Variants in TENM4 observed in about 807,000 individuals in gnomAD.
TENM4 encodes the protein teneurin transmembrane protein 4, also known as teneurin-4.
In TENM4, 82 loss-of-function variants were observed where a neutral mutation model predicts 243.3. The ratio of observed to expected loss-of-function variants is 0.34; its 90% CI spans 0.28 to 0.40. The LOEUF is 0.40. TENM4 is among the 10% of genes least tolerant of loss of function. The pLI is 1.00. For missense variants in TENM4, 3,138 were observed against 3,673.3 expected, an observed-to-expected ratio of 0.85 and a Z score of 3.77; for synonymous variants, 1,412 against 1,456.3, an observed-to-expected ratio of 0.97 and a Z score of 0.69.
chr11:79,022,857 C>T (rs1393846740), intron 6 of TENM4, among the ~76,000 whole-genome samples: 3 of 152,126 alleles, frequency 2.0e-5, no homozygotes, highest in Non-Finnish European at 2.9e-5. Flanking sequence ...ATTTTCTGAG[C>T]ACATAAATGT....
intron 1 of TENM4, among the ~76,000 whole-genome samples, chr11:79,393,996 G>A (rs1858289751): frequency 1.3e-5 from 2 of 152,142 alleles, no homozygotes; most frequent in African/African-American, 4.8e-5. Context: ...CCTTGGCAGG[G>A]GCCTCAGGCT....
Position 79,151,751 on chromosome 11 carries a change from C to G in TENM4, c.-162-2945G>C, listed in dbSNP as rs138478416. On this transcript the variant is annotated intron_variant, in intron 3 of 33. Transcript: ENST00000278550. Reference sequence around the variant, plus strand: ...GCACAGATGAACCTAGACACTCCCCCTACCCCTCACAATGTATCTCTCTGT... The same window carrying G: ...GCACAGATGAACCTAGACACTCCCCGTACCCCTCACAATGTATCTCTCTGT... 1.0e-3 allele frequency among the ~76,000 whole-genome samples: 153 copies of G among 152,250 alleles called. 1 individual carries two copies. Among genetic ancestry groups the G allele is most frequent in the African/African-American group, 3.6e-3 (148 of 41,544 alleles).
chr11:78,689,046 T>G (rs1858753791), intron 28 of TENM4, among the ~76,000 whole-genome samples: 1 of 152,258 alleles, frequency 6.6e-6, no homozygotes. Context: ...ACATTTTTCA[T>G]GTAATCCTCA....
chr11:79,260,467 G>C (rs1417695095), intron 2 of TENM4, among the ~76,000 whole-genome samples: 1 of 152,160 alleles, frequency 6.6e-6, no homozygotes, highest in African/African-American at 2.4e-5. Context: ...AAAAAATAGA[G>C]ATTGTTAGCT....
At chr11:78,684,656 TG>T (rs1858621178) in intron 29 of TENM4, among the ~76,000 whole-genome samples, 1 of 152,236 alleles carries the variant, frequency 6.6e-6, no homozygotes, top group South Asian at 2.1e-4. Context: ...AGAGCCTGTT[TG>T]CCTGGGTCCA....
intron 1 of TENM4, among the ~76,000 whole-genome samples, chr11:79,383,117 C>A (rs1172746129): frequency 6.6e-6 from 1 of 152,142 alleles, no homozygotes; most frequent in Non-Finnish European, 1.5e-5. Flanking sequence ...AGTAGGTGTA[C>A]CCTCTGAGTC....
intron 2 of TENM4, among the ~76,000 whole-genome samples, chr11:79,224,049 G>C (rs569277155): frequency 6.6e-6 from 1 of 152,312 alleles, no homozygotes; most frequent in Admixed American, 6.5e-5. Context: ...GGGATGGCTT[G>C]TCAGTCTGGG....
intron 4 of TENM4, among the ~76,000 whole-genome samples, chr11:79,092,127 C>G (rs1055298760): frequency 3.9e-5 from 6 of 152,084 alleles, no homozygotes; most frequent in African/African-American, 1.2e-4. Context: ...AGGGGCAGGC[C>G]TTTTTTTCTT....
chr11:78,951,449 T>C (rs1857106816), intron 6 of TENM4, among the ~76,000 whole-genome samples: 1 of 152,244 alleles, frequency 6.6e-6, no homozygotes, highest in African/African-American at 2.4e-5. Flanking sequence ...ATGTCTAGGC[T>C]CATCCTTATA....
rs534051411 is a variant in TENM4 at position 79,412,923 on chromosome 11, G to A, written c.-321+27586C>T. Among the ~76,000 whole-genome samples, 33 of 152,320 alleles carry A rather than the reference G, an allele frequency of 2.2e-4. No homozygotes were observed. In the South Asian group the frequency reaches 6.8e-3, roughly 32 times the overall value. ...TAAGAATGGAACTAGACAACACTCAGTCCAGAAAGGAAGGCAGACACAGAT... is the reference window on the plus strand; with the variant it reads ...TAAGAATGGAACTAGACAACACTCAATCCAGAAAGGAAGGCAGACACAGAT... On this transcript the variant is annotated intron_variant, in intron 1 of 33. Transcript: ENST00000278550.
chr11:79,079,645 T>A (rs1160917529), intron 4 of TENM4, among the ~76,000 whole-genome samples: 1 of 151,966 alleles, frequency 6.6e-6, no homozygotes, highest in Non-Finnish European at 1.5e-5. Flanking sequence ...GCCTGGCCAA[T>A]GTGGTGAAAC....
intron 3 of TENM4, among the ~76,000 whole-genome samples, chr11:79,201,677 G>A (rs1196280574): frequency 6.6e-6 from 1 of 152,012 alleles, no homozygotes; most frequent in African/African-American, 2.4e-5. Flanking sequence ...ATGAACCACT[G>A]ATATAGTCCC....
chr11:78,866,745 A>G (rs979074919), intron 9 of TENM4, among the ~76,000 whole-genome samples: 1 of 152,222 alleles, frequency 6.6e-6, no homozygotes, highest in Non-Finnish European at 1.5e-5. Flanking sequence ...CTGGGAAAGC[A>G]AAGCTCTGTA....
chr11:78,686,310 G>A (rs1249081299), intron 29 of TENM4, among the ~76,000 whole-genome samples: 2 of 152,208 alleles, frequency 1.3e-5, no homozygotes, highest in Admixed American at 1.3e-4. Context: ...TGGGGAGGGT[G>A]TGAAAGCCCC....
intron 1 of TENM4, among the ~76,000 whole-genome samples, chr11:79,425,093 CCCT>C (rs1859020823): frequency 6.6e-6 from 1 of 152,130 alleles, no homozygotes; most frequent in Non-Finnish European, 1.5e-5. Flanking sequence ...GAGTGGCGTA[CCCT>C]CCTGCTTTTC....
chr11:79,227,369 C>T (rs1275818142), intron 2 of TENM4, among the ~76,000 whole-genome samples: 1 of 152,196 alleles, frequency 6.6e-6, no homozygotes, highest in Non-Finnish European at 1.5e-5. Flanking sequence ...CAGTTCTTTA[C>T]ATTAAATTCT....
At chr11:79,429,990 T>C (rs1010548206) in intron 1 of TENM4, among the ~76,000 whole-genome samples, 1 of 152,112 alleles carries the variant, frequency 6.6e-6, no homozygotes, top group East Asian at 1.9e-4. Context: ...GAGTTGTAGC[T>C]GATGACAAAT....
intron 1 of TENM4, among the ~76,000 whole-genome samples, chr11:79,411,337 GAT>G (rs1156825040): frequency 1.3e-5 from 2 of 152,158 alleles, no homozygotes; most frequent in African/African-American, 4.8e-5. Context: ...TTTGTTTGAT[GAT>G]AACTAATACA....
At chr11:79,090,152 A>G (rs188656021) in intron 4 of TENM4, among the ~76,000 whole-genome samples, 7 of 152,214 alleles carry the variant, frequency 4.6e-5, no homozygotes, top group African/African-American at 1.7e-4. Flanking sequence ...CTCGGACTCT[A>G]CTACAGTGTT....
Sources: gnomAD v4.1 joint callset for allele counts (sites outside exome capture counted in the v4.1 genomes callset) on GRCh38, gnomAD v4.1.1 for gene constraint, MANE v1.5 for transcripts, NCBI Gene and HGNC (gene_info 2026-07-23, HGNC 2026-07-21) for gene names.